HTT: variants seen among roughly 807,000 people sequenced by gnomAD.
HTT encodes huntingtin.
Under a neutral mutation model 362.3 loss-of-function variants are expected in HTT, and 104 were observed. That is an observed-to-expected ratio of 0.29 (90% CI 0.24 to 0.34). HTT has a LOEUF of 0.34. Ranked by LOEUF, HTT falls within the 10% of genes least tolerant of loss-of-function variation. The pLI, the probability that HTT is intolerant of heterozygous loss-of-function variation, is 1.00. For synonymous variants in HTT, 1,577 were observed against 1,548.7 expected (o/e 1.02, Z -0.43); for missense variants, 3,301 against 3,928.6 (o/e 0.84, Z 4.27).
chr4:3,122,924 A>G lies in HTT; in HGVS notation c.1309A>G (p.Arg437Gly). The G allele has an allele frequency of 6.2e-7, 1 of 1,611,622 alleles. No homozygotes were observed. The highest frequency in any genetic ancestry group is 2.2e-5 in the East Asian group (1 of 44,852). The change falls in exon 10 of 67, where the codon AGA becomes GGA. Residue 437 changes from arginine to glycine, a missense_variant. Arg to Gly is a moderately radical substitution (Grantham distance 125, BLOSUM62 -2). Transcript: ENST00000355072. ...GGSSCSPVLS[R>G]KQKGKVLLGE... ...TTCCTCATGCAGCCCTGTCCTTTCA[A>G]GAAAACAAAAAGGTGATTATTTCAG...
intron 40 of HTT, among the ~76,000 whole-genome samples, chr4:3,197,139 T>C (rs142758339): frequency 7.0e-4 from 107 of 152,314 alleles, no homozygotes; most frequent in African/African-American, 2.4e-3. Flanking sequence ...AGCCACTTAA[T>C]TGATTGTGTT....
chr4:3,161,623 G>A (rs894838666), intron 29 of HTT, among the ~76,000 whole-genome samples: 5 of 152,198 alleles, frequency 3.3e-5, no homozygotes, highest in East Asian at 1.9e-4. Flanking sequence ...CCTAACTGGC[G>A]TGAGATGGTA....
In HTT at chr4:3,148,124, G is replaced by A; in HGVS notation, c.3415G>A (p.Glu1139Lys). 6.2e-7 allele frequency: 1 copy of A among 1,613,978 alleles called. No homozygotes were observed. The highest frequency in any genetic ancestry group is 8.5e-7 in the Non-Finnish European group (1 of 1,179,940). ...GGACCGGGCCCTGGTGCCCATGGTG[G>A]AGCAGCTCTTCTCTCACCTGCTGAA... is the stretch of plus-strand genomic sequence containing the variant. ...LGDRALVPMV[E>K]QLFSHLLKVI... Residue 1139 changes from glutamate (E) to lysine (K), a missense_variant, in exon 26 of 67, where the codon GAG (glutamate) becomes AAG (lysine). This residue lies in a region of HTT where 2,316 missense variants were observed against 2,658.5 expected (regional missense o/e 0.87). Coordinates refer to ENST00000355072, the MANE Select transcript of HTT (RefSeq NM_001388492.1).
At chr4:3,153,295 T>A (rs1448694921) in intron 26 of HTT, among the ~76,000 whole-genome samples, 1 of 152,132 alleles carries the variant, frequency 6.6e-6, no homozygotes, top group African/African-American at 2.4e-5. Context: ...ATCACCCTGG[T>A]AATTAAGTTT....
rs772517171 is a variant in HTT at position 3,074,930 on chromosome 4, G to GCAGCAA, written c.110_115dup (p.Gln37_Gln38dup). On this transcript the variant is annotated inframe_insertion, in exon 1 of 67. Coordinates refer to ENST00000355072, the MANE Select transcript of HTT (RefSeq NM_001388492.1). ...AGCAGCAGCAGCAGCAGCAGCAGCA[G>GCAGCAA]CAGCAACAGCCGCCACCGCCGCCGC... 1.9e-5 allele frequency: 25 copies of GCAGCAA among 1,302,668 alleles called. No homozygotes were observed. The highest frequency in any genetic ancestry group is 1.6e-4 in the African/African-American group (10 of 63,030). The allele number at this position is 1,302,668 out of a possible 1,614,324, so 80.7% of individuals were successfully genotyped here.
At chr4:3,107,028 G>A (rs1714467116) in intron 5 of HTT, among the ~76,000 whole-genome samples, 1 of 152,158 alleles carries the variant, frequency 6.6e-6, no homozygotes, top group Non-Finnish European at 1.5e-5. Context: ...AGTGTTTTAA[G>A]AAGTATTATG....
chr4:3,130,268 A>C (rs1715741821), intron 13 of HTT, 37 bp from the exon 14 acceptor site: 1 of 1,283,626 alleles, frequency 7.8e-7, no homozygotes, highest in East Asian at 2.4e-5. Context: ...TTTAAGTGGA[A>C]ATTTGTCACT....
chr4:3,109,740 A>G (rs1714638305), intron 6 of HTT, among the ~76,000 whole-genome samples: 1 of 152,048 alleles, frequency 6.6e-6, no homozygotes, highest in Non-Finnish European at 1.5e-5. Flanking sequence ...TGGAGAGAGG[A>G]CCTGGGGAGG....
chr4:3,155,717 T>C (rs902299292), intron 27 of HTT, among the ~76,000 whole-genome samples: 3 of 53,866 alleles, frequency 5.6e-5, no homozygotes, highest in African/African-American at 2.3e-4. Flanking sequence ...CTGTCTCTAC[T>C]AAAAATACCA....
chr4:3,195,528 T>C (rs1719209553), intron 40 of HTT, among the ~76,000 whole-genome samples: 1 of 152,120 alleles, frequency 6.6e-6, no homozygotes. Context: ...AGGCTCTGCC[T>C]TCTTTCTGTC....
At chr4:3,128,577 C>T (rs1715632690) in intron 12 of HTT, 1 of 152,126 alleles carries the variant, frequency 6.6e-6, no homozygotes, top group Admixed American at 6.5e-5. Flanking sequence ...TAATACTGTG[C>T]ATTATTTTAA....
At chr4:3,104,504 G>A (rs1369573737) in intron 4 of HTT, among the ~76,000 whole-genome samples, 1 of 152,006 alleles carries the variant, frequency 6.6e-6, no homozygotes, top group African/African-American at 2.4e-5. Flanking sequence ...GGCTACTCGG[G>A]AGGCTGAGGT....
chr4:3,089,982 G>A (rs1042161445), intron 2 of HTT, among the ~76,000 whole-genome samples: 1 of 152,114 alleles, frequency 6.6e-6, no homozygotes, highest in Non-Finnish European at 1.5e-5. Context: ...TGGTTTCATA[G>A]GATACACTCT....
In HTT at chr4:3,153,168, T is replaced by A. The variant is rs567529993; in HGVS notation, c.3499-1125T>A. On this transcript the variant is annotated intron_variant, in intron 26 of 66. Transcript: ENST00000355072. Reference sequence around the variant, plus strand: ...ATCCAGGACTTTCGCCTTGCCCTCATGTGGTGAGGGGGTGAGGAAGCTCTG... The same window carrying A: ...ATCCAGGACTTTCGCCTTGCCCTCAAGTGGTGAGGGGGTGAGGAAGCTCTG... Among the ~76,000 whole-genome samples the A allele has an allele frequency of 5.3e-5, 8 of 152,188 alleles. No homozygotes were observed. In the South Asian group the frequency reaches 1.7e-3, roughly 32 times the overall value.
intron 14 of HTT, among the ~76,000 whole-genome samples, chr4:3,131,009 T>C (rs980342706): frequency 6.6e-6 from 1 of 152,000 alleles, no homozygotes; most frequent in African/African-American, 2.4e-5. Context: ...CCTGAATGCC[T>C]AGTGTCAACT....
intron 42 of HTT, among the ~76,000 whole-genome samples, chr4:3,204,370 G>A (rs543502650): frequency 3.1e-4 from 47 of 152,320 alleles, no homozygotes; most frequent in African/African-American, 1.1e-3. Flanking sequence ...GACTGTGAGA[G>A]TTTTTGCAGC....
At chr4:3,169,003 ATTCTTTCT>A (rs113879546) in intron 29 of HTT, among the ~76,000 whole-genome samples, 18 of 143,526 alleles carry the variant, frequency 1.3e-4, no homozygotes, top group African/African-American at 4.8e-4. Context: ...ATTTTAGGCC[ATTCTTTCT>A]TTCTTTCTTT....
At chr4:3,234,968 A>G (rs1305771079) in intron 61 of HTT, among the ~76,000 whole-genome samples, 1 of 152,168 alleles carries the variant, frequency 6.6e-6, no homozygotes, top group African/African-American at 2.4e-5. Flanking sequence ...GGGTGTGGGA[A>G]TCTAGGGCCT....
At chr4:3,190,165 G>A (rs1350042978) in intron 40 of HTT, among the ~76,000 whole-genome samples, 2 of 151,578 alleles carry the variant, frequency 1.3e-5, no homozygotes, top group African/African-American at 4.8e-5. Context: ...GCAACATATC[G>A]AGACCCCTAT....
Sources: gnomAD v4.1 joint callset for allele counts (sites outside exome capture counted in the v4.1 genomes callset) on GRCh38, gnomAD v4.1.1 for gene constraint, gnomAD v4.1.1 regional missense constraint, MANE v1.5 for transcripts, NCBI Gene and HGNC (gene_info 2026-07-23, HGNC 2026-07-21) for gene names.